The following NRG3 variants were observed in gnomAD, a reference collection of about 807,000 sequenced individuals.
NRG3 encodes the protein neuregulin 3, also known as pro-neuregulin-3, membrane-bound isoform.
Under a neutral mutation model 66.9 loss-of-function variants are expected in NRG3, and 31 were observed. That is an observed-to-expected ratio of 0.46 (90% CI 0.35 to 0.63). The LOEUF (loss-of-function observed/expected upper bound fraction) is 0.63, where lower values mean the gene tolerates loss of function less well. Among genes scored for constraint, NRG3 ranks in the 20% least tolerant of loss-of-function variants. The probability of loss-of-function intolerance (pLI) is 0.00; values close to 1 mark genes in which losing one functional copy is unlikely to be tolerated. For synonymous variants in NRG3, 393 were observed against 359.4 expected, an observed-to-expected ratio of 1.09 and a Z score of -1.06; for missense variants, 910 against 878.9, an observed-to-expected ratio of 1.04 and a Z score of -0.45.
At chr10:82,945,910 G>A (rs947342990) in intron 4 of NRG3, among the ~76,000 whole-genome samples, 4 of 152,142 alleles carry the variant, frequency 2.6e-5, no homozygotes, top group Non-Finnish European at 4.4e-5. Flanking sequence ...AGGAGGATGT[G>A]TTTAAGCCTA....
At position 82,328,929 on chromosome 10, in the gene NRG3, C is replaced by T. The variant is rs558783047; in HGVS notation, c.824-29810C>T. On this transcript the variant is annotated intron_variant, in intron 1 of 8. Coordinates refer to ENST00000372141, the MANE Select transcript of NRG3 (RefSeq NM_001010848.4). ...AAAGCCATAGATTCTGTTGCTGGCA[C>T]TCATTTCTAGTGCTTTTTTTATTGC... is the stretch of plus-strand genomic sequence containing the variant. Among the ~76,000 whole-genome samples, 26 of 151,966 alleles carry T rather than the reference C, an allele frequency of 1.7e-4. No homozygotes were observed. The South Asian group carries it at 5.2e-3, about 30-fold the overall frequency.
intron 1 of NRG3, among the ~76,000 whole-genome samples, chr10:81,952,943 G>T (rs1849512131): frequency 6.6e-6 from 1 of 151,194 alleles, no homozygotes; most frequent in Non-Finnish European, 1.5e-5. Flanking sequence ...TTAACTTCTG[G>T]CTGGCCAGGC....
chr10:82,692,691 T>C (rs906568647), intron 2 of NRG3, among the ~76,000 whole-genome samples: 11 of 152,184 alleles, frequency 7.2e-5, no homozygotes, highest in African/African-American at 2.7e-4. Context: ...CTCTAGTCCA[T>C]TGTGGGCATG....
intron 2 of NRG3, among the ~76,000 whole-genome samples, chr10:82,585,519 G>A (rs565537213): frequency 6.6e-6 from 1 of 152,208 alleles, no homozygotes; most frequent in African/African-American, 2.4e-5. Context: ...CACTGTCCTA[G>A]TCACAGACCA....
intron 1 of NRG3, among the ~76,000 whole-genome samples, chr10:82,223,147 G>A (rs1277468751): frequency 6.6e-6 from 1 of 150,908 alleles, no homozygotes; most frequent in Non-Finnish European, 1.5e-5. Flanking sequence ...TTTATTGAAA[G>A]GCAATGCATG....
chr10:82,618,211 T>C (rs1307633456), intron 2 of NRG3, among the ~76,000 whole-genome samples: 2 of 152,202 alleles, frequency 1.3e-5, no homozygotes, highest in African/African-American at 4.8e-5. Context: ...TCATCATTTC[T>C]AGCCAGCCAG....
chr10:82,383,427 TAAAAAA>T (rs5786549), intron 2 of NRG3, among the ~76,000 whole-genome samples: 6 of 151,410 alleles, frequency 4.0e-5, no homozygotes, highest in African/African-American at 1.5e-4. Context: ...TTTCCTTTTT[TAAAAAA>T]AACACATTTT....
chr10:82,480,720 G>A (rs189814417), intron 2 of NRG3, among the ~76,000 whole-genome samples: 1 of 152,276 alleles, frequency 6.6e-6, no homozygotes, highest in East Asian at 1.9e-4. Context: ...TGGCACAAGA[G>A]AAAACTAAGC....
At chr10:81,878,327 T>G (rs780453762) in intron 1 of NRG3, among the ~76,000 whole-genome samples, 1 of 152,246 alleles carries the variant, frequency 6.6e-6, no homozygotes, top group African/African-American at 2.4e-5. Flanking sequence ...AATTAAGGTA[T>G]GTAATACAAG....
chr10:82,035,491 A>G (rs10509444), intron 1 of NRG3, among the ~76,000 whole-genome samples: 84,269 of 151,980 alleles, frequency 0.55, 23,417 homozygotes, highest in South Asian at 0.6. Context: ...TGTTGCTATG[A>G]TAAACTGTAG....
intron 2 of NRG3, among the ~76,000 whole-genome samples, chr10:82,622,866 G>A (rs1247883278): frequency 6.6e-6 from 1 of 152,202 alleles, no homozygotes; most frequent in Non-Finnish European, 1.5e-5. Context: ...TAGGCAAGTG[G>A]AAGTGTTCTG....
At position 81,975,516 on chromosome 10, in the gene NRG3, G is replaced by A. The variant is rs531249917; in HGVS notation, c.823+99353G>A. ...TGGGAAGTGATTCCTGGAAGCACCA[G>A]CAACGAGTGGGAAAGTGAGATGGGG... On this transcript the variant is annotated intron_variant, in intron 1 of 8. Coordinates refer to ENST00000372141, the MANE Select transcript of NRG3 (RefSeq NM_001010848.4). Among the ~76,000 whole-genome samples the A allele has an allele frequency of 2.0e-4, 31 of 152,204 alleles. No homozygotes were observed. The South Asian group carries it at 5.6e-3, about 27-fold the overall frequency.
chr10:82,242,268 A>G (rs937612429), intron 1 of NRG3, among the ~76,000 whole-genome samples: 6 of 152,178 alleles, frequency 3.9e-5, no homozygotes, highest in Admixed American at 2.6e-4. Flanking sequence ...TTCTTGTCAT[A>G]AAATTCTAAA....
intron 2 of NRG3, among the ~76,000 whole-genome samples, chr10:82,362,546 GGGTTTTTT>G (rs1455925349): frequency 3.3e-5 from 3 of 91,286 alleles, no homozygotes; most frequent in East Asian, 3.6e-4. Flanking sequence ...GATAATTTCT[GGGTTTTTT>G]TTTTTTTTTT....
At chr10:82,098,177 T>G (rs1454705673) in intron 1 of NRG3, among the ~76,000 whole-genome samples, 2 of 151,914 alleles carry the variant, frequency 1.3e-5, no homozygotes, top group Non-Finnish European at 2.9e-5. Flanking sequence ...CATATATATA[T>G]ATAAAGCTCT....
intron 1 of NRG3, among the ~76,000 whole-genome samples, chr10:82,055,306 C>T (rs1183645908): frequency 6.6e-6 from 1 of 151,582 alleles, no homozygotes; most frequent in African/African-American, 2.4e-5. Flanking sequence ...GAAAACCCAT[C>T]TCTACTAAAA....
intron 1 of NRG3, among the ~76,000 whole-genome samples, chr10:82,302,153 G>T (rs749505204): frequency 6.6e-6 from 1 of 150,596 alleles, no homozygotes; most frequent in African/African-American, 2.4e-5. Context: ...TCCATTAAAG[G>T]TTACCATCTG....
At chr10:81,979,658 A>C (rs1181042962) in intron 1 of NRG3, among the ~76,000 whole-genome samples, 1 of 152,222 alleles carries the variant, frequency 6.6e-6, no homozygotes, top group Non-Finnish European at 1.5e-5. Context: ...GTCAAAAGAA[A>C]TACAACCTGA....
intron 1 of NRG3, among the ~76,000 whole-genome samples, chr10:82,155,755 T>C (rs2071138629): frequency 6.6e-6 from 1 of 151,758 alleles, no homozygotes; most frequent in Non-Finnish European, 1.5e-5. Context: ...GGTGACCATG[T>C]TATTTTATTT....
Sources: gnomAD v4.1 joint callset for allele counts (sites outside exome capture counted in the v4.1 genomes callset) on GRCh38, gnomAD v4.1.1 for gene constraint, MANE v1.5 for transcripts, NCBI Gene and HGNC (gene_info 2026-07-23, HGNC 2026-07-21) for gene names.